VPS50: variants seen among roughly 807,000 people sequenced by gnomAD.
VPS50 encodes the protein VPS50 subunit of EARP/GARPII complex.
A neutral mutation model predicts 139.7 loss-of-function variants in VPS50; 70 were observed. That is an observed-to-expected ratio of 0.50 (90% CI 0.41 to 0.61). The LOEUF is 0.61. Among genes scored for constraint, VPS50 ranks in the 20% least tolerant of loss-of-function variants. VPS50 has a pLI of 0.00. For missense variants in VPS50, 921 were observed against 1,133.7 expected, an observed-to-expected ratio of 0.81 and a Z score of 2.69; for synonymous variants, 365 against 376.7, an observed-to-expected ratio of 0.97 and a Z score of 0.36.
In VPS50 at chr7:93,276,155, C is replaced by G; in HGVS notation, c.802-10C>G. 6.4e-7 allele frequency: 1 copy of G among 1,558,694 alleles called. No individual in the cohort carries two copies. Among genetic ancestry groups the G allele is most frequent in the Non-Finnish European group, 8.7e-7 (1 of 1,152,742 alleles). On this transcript the variant is annotated splice_polypyrimidine_tract_variant and intron_variant, in intron 11 of 27. Transcript: ENST00000305866. ...GTGAAATTATGTTGTGCGTTTTTTT[C>G]TTTCCACAGACAGCAATGGATCAAC... is the stretch of plus-strand genomic sequence containing the variant.
chr7:93,353,758 A>C lies in VPS50; in HGVS notation c.2582A>C (p.Glu861Ala). Reference sequence around the variant, plus strand: ...CGATTGGCTAATCGAACTATTGTAGAAGGGTAAGTTTTTCATGAAAGCATT... The same window carrying C: ...CGATTGGCTAATCGAACTATTGTAGCAGGGTAAGTTTTTCATGAAAGCATT... ...CIRLANRTIVEGYANVKKCSN... is the reference protein window; with the variant it reads ...CIRLANRTIVAGYANVKKCSN... Residue 861 changes from glutamate to alanine, a missense_variant, in exon 26 of 28, where the codon GAA becomes GCA. By Grantham distance (107) the Glu-to-Ala change is moderately radical. Transcript: ENST00000305866. 6.2e-7 allele frequency: 1 copy of C among 1,601,096 alleles called. No individual in the cohort carries two copies.
At chr7:93,262,131 A>G (rs1331887922) in intron 9 of VPS50, among the ~76,000 whole-genome samples, 1 of 152,238 alleles carries the variant, frequency 6.6e-6, no homozygotes, top group Non-Finnish European at 1.5e-5. Context: ...TGCAGGGATT[A>G]TAGCAGAGAT....
chr7:93,285,003 C>A (rs1796441390), intron 12 of VPS50, among the ~76,000 whole-genome samples: 1 of 152,134 alleles, frequency 6.6e-6, no homozygotes, highest in African/African-American at 2.4e-5. Flanking sequence ...AGAGTTACCC[C>A]CAAAGATGTT....
intron 23 of VPS50, among the ~76,000 whole-genome samples, chr7:93,347,280 C>T (rs1314379551): frequency 1.5e-5 from 2 of 135,468 alleles, no homozygotes; most frequent in Non-Finnish European, 1.6e-5. Context: ...AATGAGATAC[C>T]ATCTCACACC....
At chr7:93,351,442 C>T (rs1798555868) in intron 25 of VPS50, among the ~76,000 whole-genome samples, 1 of 151,846 alleles carries the variant, frequency 6.6e-6, no homozygotes, top group Non-Finnish European at 1.5e-5. Flanking sequence ...TAGGATACTA[C>T]AACAAAGTTC....
intron 11 of VPS50, chr7:93,273,094 GTGT>G (rs1244137592): frequency 6.5e-6 from 1 of 154,146 alleles, no homozygotes; most frequent in East Asian, 1.9e-4. Context: ...GCAGCTTCAC[GTGT>G]TGTTAGATAG....
rs1369449102 is a variant in VPS50, at chr7:93,297,222, A to G, written c.1340A>G (p.Asn447Ser). The stretch of plus-strand genomic sequence containing the variant: ...GAATCTATTAGAAAACAAAGTGTCA[A>G]TTATTTCAAGAATTACCATAGGTAA... The part of the protein sequence containing the change: ...LQESIRKQSV[N>S]YFKNYHRTRL... Residue 447 changes from asparagine (N) to serine (S), a missense_variant, in exon 16 of 28, where the codon AAT becomes AGT. This residue lies in a region of VPS50 where 744 missense variants were observed against 930.6 expected (regional missense o/e 0.80). Transcript: ENST00000305866. 4.5e-6 allele frequency: 7 copies of G among 1,555,504 alleles called. No homozygotes were observed. The highest frequency in any genetic ancestry group is 2.8e-5 in the African/African-American group (2 of 70,362).
chr7:93,341,774 T>C (rs942634590), intron 23 of VPS50, among the ~76,000 whole-genome samples, 199 bp downstream of exon 23: 1 of 152,208 alleles, frequency 6.6e-6, no homozygotes, highest in Non-Finnish European at 1.5e-5. Flanking sequence ...GTTATAGAAA[T>C]GGAAAGAAGG....
intron 14 of VPS50, among the ~76,000 whole-genome samples, chr7:93,295,117 G>A (rs891245685): frequency 6.6e-6 from 1 of 152,048 alleles, no homozygotes; most frequent in African/African-American, 2.4e-5. Flanking sequence ...CTTATTGGCT[G>A]AATATATCTG....
intron 14 of VPS50, among the ~76,000 whole-genome samples, chr7:93,294,899 TTTCCACTATCATAGA>T (rs1796763167): frequency 3.3e-5 from 5 of 152,214 alleles, no homozygotes; most frequent in Non-Finnish European, 7.3e-5. Flanking sequence ...GCCTAGCAAA[TTTCCACTATCATAGA>T]GAAATGTATG....
In VPS50 at chr7:93,330,910, T is replaced by C. The variant is rs545864052; in HGVS notation, c.1978-3207T>C. Among the ~76,000 whole-genome samples, 8 of 151,818 alleles carry C rather than the reference T, an allele frequency of 5.3e-5. No individual in the cohort carries two copies. The East Asian group carries it at 1.5e-3, about 29-fold the overall frequency. ...TGGGAAACCCTAAGGAATCCACAAA[T>C]AAGCTTCTAGAACTAATAAGTACAT... On this transcript the variant is annotated intron_variant, in intron 21 of 27. Coordinates refer to ENST00000305866, the MANE Select transcript of VPS50 (RefSeq NM_017667.4).
chr7:93,282,229 T>C (rs1796353357), intron 12 of VPS50, among the ~76,000 whole-genome samples: 1 of 152,016 alleles, frequency 6.6e-6, no homozygotes, highest in African/African-American at 2.4e-5. Flanking sequence ...AAAAACAATT[T>C]TTCTATTTCA....
intron 17 of VPS50, among the ~76,000 whole-genome samples, chr7:93,304,104 T>C (rs1027646664): frequency 3.3e-5 from 5 of 151,874 alleles, no homozygotes; most frequent in Non-Finnish European, 5.9e-5. Context: ...TAAGCAGTCT[T>C]TGAAAAAGTC....
chr7:93,355,230 ATGAT>A (rs1361757916), intron 26 of VPS50, among the ~76,000 whole-genome samples: 2 of 151,772 alleles, frequency 1.3e-5, no homozygotes, highest in African/African-American at 4.8e-5. Flanking sequence ...CATGTTCTGT[ATGAT>A]TGATTGAAGA....
chr7:93,284,973 T>G (rs1197530445), intron 12 of VPS50, among the ~76,000 whole-genome samples: 1 of 152,210 alleles, frequency 6.6e-6, no homozygotes, highest in Non-Finnish European at 1.5e-5. Context: ...AGATACTGGC[T>G]CAGACACTTC....
At chr7:93,310,438 C>CAA (rs1797234504) in intron 19 of VPS50, among the ~76,000 whole-genome samples, 1 of 151,890 alleles carries the variant, frequency 6.6e-6, no homozygotes, top group Non-Finnish European at 1.5e-5. Context: ...TGCCCCATTC[C>CAA]AAACAACTCT....
intron 1 of VPS50, among the ~76,000 whole-genome samples, chr7:93,233,936 A>G (rs899862503): frequency 2.0e-5 from 3 of 152,260 alleles, no homozygotes; most frequent in African/African-American, 7.2e-5. Flanking sequence ...GCTTGAACGC[A>G]GAGACCGTTA....
In VPS50 at chr7:93,259,783, A is replaced by T. The variant is rs1412247788; in HGVS notation, c.659+151A>T. On this transcript the variant is annotated intron_variant, in intron 9 of 27. Transcript: ENST00000305866. The stretch of plus-strand genomic sequence containing the variant: ...TATATATGGGCAGTACAATAAAATT[A>T]TAAATAATAGGCTTTAAGGTGTGAA... 5 of 442,642 alleles carry T rather than the reference A, an allele frequency of 1.1e-5. No individual in the cohort carries two copies. In the East Asian group the frequency reaches 1.7e-4, roughly 15 times the overall value. The allele number at this position is 442,642 out of a possible 1,614,324, so 27.4% of individuals were successfully genotyped here. A position where few individuals can be genotyped will look rare whatever the true frequency, so the allele number is the denominator to read the frequency against.
At chr7:93,319,022 A>G (rs1188457107) in intron 20 of VPS50, among the ~76,000 whole-genome samples, 1 of 152,182 alleles carries the variant, frequency 6.6e-6, no homozygotes, top group African/African-American at 2.4e-5. Context: ...ATTCCCCTGA[A>G]TCCTAGCCCT....
Sources: allele counts gnomAD v4.1 joint callset (sites outside exome capture counted in the v4.1 genomes callset), GRCh38; gene constraint gnomAD v4.1.1; regional missense constraint gnomAD v4.1.1; transcripts MANE v1.5; gene names NCBI Gene and HGNC (gene_info 2026-07-23, HGNC 2026-07-21).